The following IL1RAPL1 variants were observed in gnomAD, a reference collection of about 807,000 sequenced individuals.
IL1RAPL1 encodes interleukin 1 receptor accessory protein like 1.
Under a neutral mutation model 48.4 loss-of-function variants are expected in IL1RAPL1, and 3 were observed. The ratio of observed to expected loss-of-function variants is 0.06; its 90% CI spans 0.03 to 0.16. The LOEUF (loss-of-function observed/expected upper bound fraction) is 0.16. IL1RAPL1 is among the 10% of genes least tolerant of loss of function. The pLI is 1.00. For synonymous variants in IL1RAPL1, 185 were observed against 187.7 expected (o/e 0.99, Z 0.12); for missense variants, 349 against 530.6 (o/e 0.66, Z 3.36).
chrX:29,846,214 C>T (rs1417392212), intron 6 of IL1RAPL1, among the ~76,000 whole-genome samples: 5 of 111,344 alleles, frequency 4.5e-5, no homozygotes, highest in Non-Finnish European at 9.4e-5. Context: ...ATAACCCTAC[C>T]CATCAATGAG....
chrX:29,131,237 T>G (rs1367986984), intron 2 of IL1RAPL1, among the ~76,000 whole-genome samples: 1 of 106,838 alleles, frequency 9.4e-6, no homozygotes, highest in Non-Finnish European at 1.9e-5. Flanking sequence ...GACATCAGAT[T>G]GTGCTCACTC....
intron 5 of IL1RAPL1, among the ~76,000 whole-genome samples, chrX:29,464,015 C>G (rs889846147): frequency 8.9e-6 from 1 of 111,741 alleles, no homozygotes; most frequent in African/African-American, 3.3e-5. Context: ...ATATTTAACT[C>G]CAGTCCCCTG....
intron 2 of IL1RAPL1, among the ~76,000 whole-genome samples, chrX:29,016,754 T>C (rs1423600753): frequency 9.0e-6 from 1 of 111,354 alleles, no homozygotes; most frequent in African/African-American, 3.3e-5. Flanking sequence ...TATATTTTTA[T>C]ATAATTTACT....
intron 2 of IL1RAPL1, among the ~76,000 whole-genome samples, chrX:28,811,972 C>T (rs1936796833): frequency 9.0e-6 from 1 of 110,835 alleles, no homozygotes; most frequent in African/African-American, 3.3e-5. Flanking sequence ...CAGTGTGGTC[C>T]TCCTTGGATG....
At chrX:28,596,914 A>G (rs758290968) in intron 1 of IL1RAPL1, among the ~76,000 whole-genome samples, 25 of 111,404 alleles carry the variant, frequency 2.2e-4, no homozygotes, top group African/African-American at 7.8e-4. Context: ...CAAGTATGCT[A>G]TGGGCTCAAG....
At chrX:29,761,861 T>G (rs1412747576) in intron 6 of IL1RAPL1, among the ~76,000 whole-genome samples, 1 of 112,102 alleles carries the variant, frequency 8.9e-6, no homozygotes, top group Non-Finnish European at 1.9e-5. Flanking sequence ...TTGTAATCAT[T>G]TCAAAGAAAT....
At chrX:29,046,295 C>T (rs1926970358) in intron 2 of IL1RAPL1, among the ~76,000 whole-genome samples, 1 of 110,783 alleles carries the variant, frequency 9.0e-6, no homozygotes, top group African/African-American at 3.3e-5. Context: ...TAGCCTCAAG[C>T]GATCTTCCTG....
At chrX:29,556,176 A>G (rs1242711338) in intron 5 of IL1RAPL1, among the ~76,000 whole-genome samples, 4 of 111,940 alleles carry the variant, frequency 3.6e-5, no homozygotes, top group Non-Finnish European at 5.6e-5. Context: ...TAATGTGTCC[A>G]TTCACTGACA....
intron 6 of IL1RAPL1, among the ~76,000 whole-genome samples, chrX:29,718,783 C>A (rs1256422553): frequency 9.1e-6 from 1 of 109,375 alleles, no homozygotes; most frequent in East Asian, 2.9e-4. Context: ...GCAGGGAGTC[C>A]TTGAACAGGG....
intron 2 of IL1RAPL1, among the ~76,000 whole-genome samples, chrX:29,161,563 A>T (rs960917752): frequency 7.1e-5 from 8 of 112,428 alleles, no homozygotes; most frequent in African/African-American, 2.6e-4. Context: ...CATGTTTTCT[A>T]TAATACTTTG....
chrX:29,927,368 GT>G (rs1932900057), intron 8 of IL1RAPL1, among the ~76,000 whole-genome samples: 1 of 112,083 alleles, frequency 8.9e-6, no homozygotes, highest in African/African-American at 3.2e-5. Flanking sequence ...CAGTAGGACT[GT>G]TTTTAATTAA....
intron 1 of IL1RAPL1, among the ~76,000 whole-genome samples, chrX:28,699,718 A>C (rs1935273945): frequency 8.9e-6 from 1 of 112,021 alleles, no homozygotes; most frequent in Non-Finnish European, 1.9e-5. Context: ...TGTTACTGAC[A>C]GCTGTCTACT....
intron 2 of IL1RAPL1, among the ~76,000 whole-genome samples, chrX:28,997,926 C>A (rs1925759143): frequency 8.9e-6 from 1 of 111,787 alleles, no homozygotes. Context: ...GCAGACCATT[C>A]TACAAAGGTT....
intron 2 of IL1RAPL1, among the ~76,000 whole-genome samples, chrX:28,815,233 C>A (rs1936848986): frequency 9.0e-6 from 1 of 110,581 alleles, no homozygotes; most frequent in African/African-American, 3.3e-5. Context: ...ATGATGAAAT[C>A]CCTCAAGTTT....
intron 5 of IL1RAPL1, among the ~76,000 whole-genome samples, chrX:29,427,959 A>T (rs923335521): frequency 2.7e-5 from 3 of 111,813 alleles, no homozygotes; most frequent in East Asian, 5.6e-4. Flanking sequence ...TAAACTGTAA[A>T]CTAAATTCCT....
At chrX:29,479,896 A>G (rs758159137) in intron 5 of IL1RAPL1, among the ~76,000 whole-genome samples, 15 of 110,857 alleles carry the variant, frequency 1.4e-4, no homozygotes, top group Non-Finnish European at 2.8e-4. Flanking sequence ...TATATACCGC[A>G]TTTTCTTTAT....
intron 2 of IL1RAPL1, among the ~76,000 whole-genome samples, chrX:28,981,077 T>A (rs769345357): frequency 1.6e-5 from 1 of 64,491 alleles, no homozygotes; most frequent in Non-Finnish European, 2.6e-5. Flanking sequence ...AGGGACAGAG[T>A]GAGACCCTGT....
intron 1 of IL1RAPL1, among the ~76,000 whole-genome samples, chrX:28,761,514 C>G (rs993721676): frequency 9.9e-5 from 11 of 111,636 alleles, no homozygotes; most frequent in Admixed American, 5.8e-4. Flanking sequence ...GCCACATATA[C>G]TAACTTATAA....
intron 5 of IL1RAPL1, among the ~76,000 whole-genome samples, chrX:29,593,997 G>GT (rs1403617352): frequency 1.8e-5 from 2 of 111,785 alleles, no homozygotes; most frequent in Non-Finnish European, 3.8e-5. Flanking sequence ...TTTCTCTTTG[G>GT]TTTTGTTTCA....
Sources: gnomAD v4.1 joint callset for allele counts (sites outside exome capture counted in the v4.1 genomes callset) on GRCh38, gnomAD v4.1.1 for gene constraint, MANE v1.5 for transcripts, NCBI Gene and HGNC (gene_info 2026-07-23, HGNC 2026-07-21) for gene names.